Variants in PLCXD3 observed in about 807,000 individuals in gnomAD.
The protein encoded by PLCXD3 is phosphatidylinositol specific phospholipase C X domain containing 3.
PLCXD3 carries 19 observed loss-of-function variants against 25.5 expected under a neutral mutation model. The observed-to-expected ratio is 0.75, with a 90% CI of 0.52 to 1.09. PLCXD3 has a LOEUF of 1.09. Ranked by LOEUF, PLCXD3 falls within the 50% of genes least tolerant of loss-of-function variation. The pLI is 0.00. For missense variants in PLCXD3, 411 were observed against 388.1 expected (o/e 1.06, Z -0.50); for synonymous variants, 174 against 137.6 (o/e 1.26, Z -1.85).
chr5:41,348,975 T>C (rs1202894107), intron 2 of PLCXD3, among the ~76,000 whole-genome samples: 2 of 152,238 alleles, frequency 1.3e-5, no homozygotes, highest in African/African-American at 4.8e-5. Flanking sequence ...TGCTCTGGTT[T>C]TCCAGTAGTT....
At chr5:41,359,585 C>T (rs1744717408) in intron 2 of PLCXD3, among the ~76,000 whole-genome samples, 1 of 152,142 alleles carries the variant, frequency 6.6e-6, no homozygotes, top group African/African-American at 2.4e-5. Flanking sequence ...CATTTCATTT[C>T]TAATTGAACT....
At chr5:41,438,927 AT>A (rs1747318230) in intron 1 of PLCXD3, among the ~76,000 whole-genome samples, 2 of 152,284 alleles carry the variant, frequency 1.3e-5, no homozygotes, top group South Asian at 4.1e-4. Context: ...CTTTACATGT[AT>A]TTTTTCCTAT....
intron 1 of PLCXD3, among the ~76,000 whole-genome samples, chr5:41,388,124 CTA>C (rs1491180962): frequency 6.7e-6 from 1 of 149,824 alleles, no homozygotes; most frequent in Non-Finnish European, 1.5e-5. Flanking sequence ...TAGTTGGAAA[CTA>C]AAAAAAAAAA....
chr5:41,439,318 C>A (rs924894047), intron 1 of PLCXD3, among the ~76,000 whole-genome samples: 4 of 152,204 alleles, frequency 2.6e-5, no homozygotes, highest in Non-Finnish European at 4.4e-5. Flanking sequence ...CAACTTAGTA[C>A]TAGAACCTTG....
At chr5:41,479,680 A>T (rs973203719) in intron 1 of PLCXD3, among the ~76,000 whole-genome samples, 5 of 152,070 alleles carry the variant, frequency 3.3e-5, no homozygotes, top group African/African-American at 1.2e-4. Flanking sequence ...AAATTGATTA[A>T]ATTGTATTGG....
intron 1 of PLCXD3, among the ~76,000 whole-genome samples, chr5:41,472,463 G>A (rs940241361): frequency 2.0e-5 from 3 of 152,182 alleles, no homozygotes; most frequent in African/African-American, 7.2e-5. Flanking sequence ...GGACAAAGAA[G>A]AAGATAAACT....
chr5:41,506,443 TCTTGAAAGATTCA>T (rs1749053004), intron 1 of PLCXD3, among the ~76,000 whole-genome samples: 1 of 152,222 alleles, frequency 6.6e-6, no homozygotes, highest in Non-Finnish European at 1.5e-5. Context: ...TTTTTTACTG[TCTTGAAAGATTCA>T]CTTCTGTATC....
intron 1 of PLCXD3, among the ~76,000 whole-genome samples, chr5:41,494,089 G>T (rs930014987): frequency 6.6e-6 from 1 of 152,040 alleles, no homozygotes; most frequent in Admixed American, 6.5e-5. Context: ...GCTCCCTCCC[G>T]GGTTTTATTT....
intron 2 of PLCXD3, among the ~76,000 whole-genome samples, chr5:41,320,776 G>A (rs1196141323): frequency 1.3e-5 from 2 of 152,182 alleles, no homozygotes; most frequent in African/African-American, 4.8e-5. Flanking sequence ...GATTACAGGC[G>A]TGAGCCACTG....
At chr5:41,509,310 G>T (rs1237406673) in intron 1 of PLCXD3, among the ~76,000 whole-genome samples, 1 of 152,074 alleles carries the variant, frequency 6.6e-6, no homozygotes, top group Non-Finnish European at 1.5e-5. Context: ...TGAGTAATTT[G>T]CCCTCCAGCC....
At chr5:41,438,300 T>A (rs747052767) in intron 1 of PLCXD3, among the ~76,000 whole-genome samples, 10 of 152,206 alleles carry the variant, frequency 6.6e-5, no homozygotes, top group Non-Finnish European at 1.5e-4. Context: ...AAGAATAACA[T>A]GCTAATGATA....
At chr5:41,384,684 A>C (rs1169576779) in intron 1 of PLCXD3, among the ~76,000 whole-genome samples, 1 of 152,118 alleles carries the variant, frequency 6.6e-6, no homozygotes, top group Non-Finnish European at 1.5e-5. Flanking sequence ...GGCAAGTAAA[A>C]AAATTGTAAA....
intron 2 of PLCXD3, among the ~76,000 whole-genome samples, chr5:41,348,796 C>T (rs1305162677): frequency 6.6e-6 from 1 of 152,094 alleles, no homozygotes; most frequent in African/African-American, 2.4e-5. Context: ...GATACCATGA[C>T]TGCTTGGCAA....
At chr5:41,342,967 T>C (rs1198936283) in intron 2 of PLCXD3, among the ~76,000 whole-genome samples, 7 of 152,104 alleles carry the variant, frequency 4.6e-5, no homozygotes, top group African/African-American at 1.7e-4. Context: ...AAGTCTACAG[T>C]TCTCAAAACT....
intron 1 of PLCXD3, among the ~76,000 whole-genome samples, chr5:41,489,842 A>G (rs1476168207): frequency 6.6e-6 from 1 of 151,276 alleles, no homozygotes; most frequent in Non-Finnish European, 1.5e-5. Flanking sequence ...GGGCTGAGAC[A>G]GTGGGGTTTT....
At chr5:41,361,104 G>A (rs1030034898) in intron 2 of PLCXD3, among the ~76,000 whole-genome samples, 16 of 151,988 alleles carry the variant, frequency 1.1e-4, no homozygotes, top group African/African-American at 3.9e-4. Context: ...TGGGGGTGTG[G>A]ATCTCAGGCC....
chr5:41,423,318 T>G (rs577903105), intron 1 of PLCXD3, among the ~76,000 whole-genome samples: 1 of 152,212 alleles, frequency 6.6e-6, no homozygotes, highest in Non-Finnish European at 1.5e-5. Context: ...TTTTTTATGC[T>G]TAATTATTAT....
chr5:41,510,158 G>A (rs1739009833), intron 1 of PLCXD3, among the ~76,000 whole-genome samples: 1 of 152,120 alleles, frequency 6.6e-6, no homozygotes, highest in Admixed American at 6.5e-5. Context: ...CTTCTCCTCT[G>A]CCCCAGTCCT....
At chr5:41,348,481 T>C (rs1222811336) in intron 2 of PLCXD3, among the ~76,000 whole-genome samples, 1 of 152,156 alleles carries the variant, frequency 6.6e-6, no homozygotes, top group Admixed American at 6.5e-5. Flanking sequence ...TGTCAATAGG[T>C]AGCACTCTAG....
Sources: allele counts gnomAD v4.1 joint callset (sites outside exome capture counted in the v4.1 genomes callset), GRCh38; gene constraint gnomAD v4.1.1; transcripts MANE v1.5; gene names NCBI Gene and HGNC (gene_info 2026-07-23, HGNC 2026-07-21).